Variants in DAB1 observed in about 807,000 individuals in gnomAD.
DAB1 encodes DAB adaptor protein 1.
A neutral mutation model predicts 64.6 loss-of-function variants in DAB1; 15 were observed. The observed-to-expected ratio is 0.23, with a 90% confidence interval of 0.16 to 0.36. DAB1 has a LOEUF of 0.36. Ranked by LOEUF, DAB1 falls within the 10% of genes least tolerant of loss-of-function variation. The pLI is 1.00. For synonymous variants in DAB1, 235 were observed against 251.9 expected, an observed-to-expected ratio of 0.93 and a Z score of 0.64; for missense variants, 596 against 706.7, an observed-to-expected ratio of 0.84 and a Z score of 1.78.
At chr1:57,686,624 C>T (rs1279909430) in intron 6 of DAB1, among the ~76,000 whole-genome samples, 46 of 152,146 alleles carry the variant, frequency 3.0e-4, no homozygotes, top group Non-Finnish European at 8.8e-5. Context: ...GACCATATAT[C>T]TCTGAGGAAC....
chr1:57,695,866 C>T lies in DAB1; in HGVS notation n.552-46201G>A, dbSNP rs545639700. ...AGTGAGCTGAGATGGTGCCACTGCA[C>T]TCCAGCCTGGGCAACAAGAGTGAGA... On this transcript the variant is annotated intron_variant and non_coding_transcript_variant, in intron 6 of 20. Coordinates refer to the DAB1 transcript ENST00000485760. Among the ~76,000 whole-genome samples the T allele has an allele frequency of 5.9e-5, 9 of 152,262 alleles. No homozygotes were observed. In the South Asian group the frequency reaches 1.9e-3, roughly 32 times the overall value.
At chr1:58,523,871 C>G (rs1478138866) in intron 2 of DAB1, among the ~76,000 whole-genome samples, 1 of 152,084 alleles carries the variant, frequency 6.6e-6, no homozygotes, top group Non-Finnish European at 1.5e-5. Flanking sequence ...TGCACTCCAG[C>G]CTGGGTGACA....
chr1:58,196,168 T>C (rs980028227), intron 4 of DAB1, among the ~76,000 whole-genome samples: 1 of 152,126 alleles, frequency 6.6e-6, no homozygotes, highest in Admixed American at 6.5e-5. Flanking sequence ...CAGATGGAAA[T>C]GCAAGCTGAG....
chr1:57,952,130 T>C (rs1427732137), intron 5 of DAB1, among the ~76,000 whole-genome samples: 1 of 152,140 alleles, frequency 6.6e-6, no homozygotes, highest in Non-Finnish European at 1.5e-5. Context: ...TTTTTTTCTT[T>C]GCCTCCAGGA....
At chr1:58,470,107 G>T (rs1329299862) in intron 3 of DAB1, among the ~76,000 whole-genome samples, 1 of 149,104 alleles carries the variant, frequency 6.7e-6, no homozygotes, top group African/African-American at 2.5e-5. Context: ...AGCAAAGCTG[G>T]GACTTTCTCT....
chr1:58,517,418 C>T (rs376172736), intron 2 of DAB1, among the ~76,000 whole-genome samples: 75 of 152,306 alleles, frequency 4.9e-4, no homozygotes, highest in African/African-American at 1.8e-3. Context: ...AAACACTACA[C>T]CTATCAACAT....
intron 4 of DAB1, among the ~76,000 whole-genome samples, chr1:57,114,879 C>T (rs1655971341): frequency 6.6e-6 from 1 of 152,164 alleles, no homozygotes; most frequent in Non-Finnish European, 1.5e-5. Flanking sequence ...TCAGGCTCTG[C>T]CACTTAATCA....
intron 5 of DAB1, among the ~76,000 whole-genome samples, chr1:58,054,850 C>A (rs905268063): frequency 6.6e-6 from 1 of 152,162 alleles, no homozygotes. Context: ...GTTGGAGGCC[C>A]AGGAGAGGAC....
At chr1:57,262,526 C>G (rs1670258071) in intron 2 of DAB1, among the ~76,000 whole-genome samples, 1 of 152,206 alleles carries the variant, frequency 6.6e-6, no homozygotes, top group Non-Finnish European at 1.5e-5. Flanking sequence ...AGCCCAGCCA[C>G]CAAATAGGAT....
chr1:58,487,726 AG>A (rs1208425529), intron 3 of DAB1, among the ~76,000 whole-genome samples: 2 of 152,148 alleles, frequency 1.3e-5, no homozygotes, highest in African/African-American at 4.8e-5. Flanking sequence ...TAGTAATTTG[AG>A]AAGCTTCATT....
rs561518050 is a variant in DAB1, at chr1:57,054,461, A to G, written c.723+8423T>C. ...TTAGCAGACACCTTCCTCTCCACTC[A>G]GGAATGTGCTTTTTTTTTTTTTTTT... On this transcript the variant is annotated intron_variant, in intron 9 of 14. Coordinates refer to ENST00000371236, the MANE Select transcript of DAB1 (RefSeq NM_001365792.1). 1.9e-3 allele frequency among the ~76,000 whole-genome samples: 276 copies of G among 144,498 alleles called. 1 individual carries two copies. Among genetic ancestry groups the G allele is most frequent in the Non-Finnish European group, 3.2e-3 (213 of 66,812 alleles). 94.8% of individuals were successfully genotyped at this position (144,498 alleles called of 152,430 possible).
intron 6 of DAB1, among the ~76,000 whole-genome samples, chr1:57,770,469 T>C (rs1649509623): frequency 6.6e-6 from 1 of 151,960 alleles, no homozygotes; most frequent in South Asian, 2.1e-4. Flanking sequence ...GGTCTTGCTA[T>C]GTTGCCCAGG....
chr1:57,408,984 T>C (rs1683880511), intron 1 of DAB1, among the ~76,000 whole-genome samples: 1 of 152,126 alleles, frequency 6.6e-6, no homozygotes, highest in Admixed American at 6.6e-5. Flanking sequence ...TTTATCTCCC[T>C]TTTTCTCTTT....
At chr1:58,203,288 G>T (rs1044731896) in intron 4 of DAB1, among the ~76,000 whole-genome samples, 1 of 152,002 alleles carries the variant, frequency 6.6e-6, no homozygotes, top group African/African-American at 2.4e-5. Flanking sequence ...TATCTGTTTT[G>T]GATTCACCAT....
intron 7 of DAB1, among the ~76,000 whole-genome samples, chr1:57,493,908 C>T (rs950014664): frequency 7.9e-5 from 12 of 152,046 alleles, no homozygotes; most frequent in African/African-American, 2.9e-4. Context: ...GGCAACAACC[C>T]GATCTTGCAA....
intron 5 of DAB1, among the ~76,000 whole-genome samples, chr1:57,950,782 T>A (rs1485336007): frequency 6.6e-6 from 1 of 152,154 alleles, no homozygotes; most frequent in Non-Finnish European, 1.5e-5. Flanking sequence ...CTCTTTTAAA[T>A]CAATAGCACC....
At chr1:58,072,085 T>TGGGGGG (rs10665790) in intron 5 of DAB1, among the ~76,000 whole-genome samples, 27 of 82,090 alleles carry the variant, frequency 3.3e-4, no homozygotes, top group Non-Finnish European at 4.7e-4. Flanking sequence ...ATTGGTGGGG[T>TGGGGGG]GGGGGGGGGT....
intron 5 of DAB1, among the ~76,000 whole-genome samples, chr1:57,960,047 C>T (rs1284420765): frequency 1.3e-5 from 2 of 152,170 alleles, no homozygotes; most frequent in Admixed American, 6.5e-5. Flanking sequence ...GATGCCAGAG[C>T]GCGTTTCTGC....
At chr1:58,272,485 A>T (rs1661329312) in intron 4 of DAB1, among the ~76,000 whole-genome samples, 1 of 112,132 alleles carries the variant, frequency 8.9e-6, no homozygotes, top group African/African-American at 3.5e-5. Context: ...GTGGTGCTCA[A>T]AAAAATGTAT....
Sources: allele counts gnomAD v4.1 joint callset (sites outside exome capture counted in the v4.1 genomes callset), GRCh38; gene constraint gnomAD v4.1.1; transcripts MANE v1.5; gene names NCBI Gene and HGNC (gene_info 2026-07-23, HGNC 2026-07-21).